RBFOX1: variants seen among roughly 807,000 people sequenced by gnomAD.
RBFOX1 encodes the protein RNA binding protein fox-1 homolog 1.
In RBFOX1, 8 loss-of-function variants were observed where a neutral mutation model predicts 57.7. That is an observed-to-expected ratio of 0.14 (90% CI 0.08 to 0.25). The LOEUF (loss-of-function observed/expected upper bound fraction) is 0.25, where lower values mean the gene tolerates loss of function less well. RBFOX1 is among the 10% of genes least tolerant of loss of function. RBFOX1 has a pLI of 1.00. For missense variants in RBFOX1, 611 were observed against 548.5 expected, an observed-to-expected ratio of 1.11 and a Z score of -1.14; for synonymous variants, 326 against 222.4, an observed-to-expected ratio of 1.47 and a Z score of -4.15.
chr16:6,573,108 G>A (rs1045944609), intron 2 of RBFOX1, among the ~76,000 whole-genome samples: 1 of 152,086 alleles, frequency 6.6e-6, no homozygotes, highest in Non-Finnish European at 1.5e-5. Context: ...CCTAGACCAT[G>A]GGCACTGCAG....
At chr16:6,347,272 G>A (rs138724742) in intron 2 of RBFOX1, among the ~76,000 whole-genome samples, 56 of 152,300 alleles carry the variant, frequency 3.7e-4, no homozygotes, top group African/African-American at 1.2e-3. Context: ...GTGAACGGGA[G>A]ATGGTTCTCA....
chr16:5,266,138 C>G (rs747788255), intron 1 of RBFOX1, among the ~76,000 whole-genome samples: 26 of 152,086 alleles, frequency 1.7e-4, no homozygotes, highest in Non-Finnish European at 2.8e-4. Flanking sequence ...GAAAGAGATC[C>G]TGAGCACGAA....
intron 10 of RBFOX1, among the ~76,000 whole-genome samples, chr16:7,621,511 C>T (rs1167549633): frequency 6.6e-6 from 1 of 152,140 alleles, no homozygotes; most frequent in Admixed American, 6.5e-5. Flanking sequence ...ATCCTCCTGC[C>T]TTGGCTTTCC....
At chr16:5,729,956 T>G (rs960212760) in intron 3 of RBFOX1, among the ~76,000 whole-genome samples, 47 of 152,336 alleles carry the variant, frequency 3.1e-4, no homozygotes, top group African/African-American at 1.1e-3. Flanking sequence ...GTGCAGCACC[T>G]GCCTTTGGAG....
intron 3 of RBFOX1, among the ~76,000 whole-genome samples, chr16:6,940,751 C>G (rs976995641): frequency 6.7e-6 from 1 of 148,908 alleles, no homozygotes; most frequent in Non-Finnish European, 1.5e-5. Flanking sequence ...GCGCCCGCCA[C>G]CATGTCCCGC....
chr16:5,630,841 G>A (rs1306271455), intron 3 of RBFOX1, among the ~76,000 whole-genome samples: 1 of 152,168 alleles, frequency 6.6e-6, no homozygotes, highest in African/African-American at 2.4e-5. Flanking sequence ...ATTTCAGAGG[G>A]GAGCAACTTG....
At chr16:5,657,495 G>C (rs2049466895) in intron 3 of RBFOX1, among the ~76,000 whole-genome samples, 1 of 151,996 alleles carries the variant, frequency 6.6e-6, no homozygotes, top group African/African-American at 2.4e-5. Context: ...CCGACTCTAG[G>C]GTTTAAAGTA....
chr16:6,860,011 G>T (rs1178414773), intron 3 of RBFOX1, among the ~76,000 whole-genome samples: 1 of 152,166 alleles, frequency 6.6e-6, no homozygotes, highest in Non-Finnish European at 1.5e-5. Context: ...GTAAAGTGTA[G>T]GAGTTAACAC....
chr16:5,655,903 A>G (rs1480792004), intron 3 of RBFOX1, among the ~76,000 whole-genome samples: 4 of 152,198 alleles, frequency 2.6e-5, no homozygotes, highest in Admixed American at 2.6e-4. Flanking sequence ...GCAATTGTAG[A>G]TTAGGTAGAT....
chr16:7,242,281 G>T (rs1213218999), intron 4 of RBFOX1, among the ~76,000 whole-genome samples: 1 of 152,166 alleles, frequency 6.6e-6, no homozygotes, highest in Non-Finnish European at 1.5e-5. Flanking sequence ...GCATGTAAAT[G>T]TCTGAATAAA....
chr16:6,596,183 T>C (rs111479831), intron 2 of RBFOX1, among the ~76,000 whole-genome samples: 3,356 of 152,028 alleles, frequency 0.022, 65 homozygotes, highest in Non-Finnish European at 0.034. Context: ...AGAATCTGTT[T>C]TTCACCCCAA....
chr16:6,487,150 G>GTGTGTT (rs932916291), intron 2 of RBFOX1, among the ~76,000 whole-genome samples: 8 of 84,834 alleles, frequency 9.4e-5, no homozygotes, highest in African/African-American at 2.5e-4. Flanking sequence ...GTTTCTGTGT[G>GTGTGTT]TGTGTGTGTG....
chr16:6,482,324 G>A (rs1196912748), intron 2 of RBFOX1, among the ~76,000 whole-genome samples: 1 of 152,198 alleles, frequency 6.6e-6, no homozygotes, highest in African/African-American at 2.4e-5. Flanking sequence ...TAACTGTGAA[G>A]AGAAAGGAAA....
At chr16:5,445,328 G>T (rs1199974374) in intron 1 of RBFOX1, among the ~76,000 whole-genome samples, 1 of 152,098 alleles carries the variant, frequency 6.6e-6, no homozygotes, top group East Asian at 1.9e-4. Context: ...ATCCTGGCTT[G>T]AATGTTCCAT....
chr16:5,915,722 C>T (rs919845177), intron 4 of RBFOX1, among the ~76,000 whole-genome samples: 2 of 152,068 alleles, frequency 1.3e-5, no homozygotes, highest in African/African-American at 4.8e-5. Flanking sequence ...ATCTCAGCTA[C>T]TCCGGAGGCT....
At chr16:7,461,344 T>A (rs1201151646) in intron 4 of RBFOX1, among the ~76,000 whole-genome samples, 2 of 152,100 alleles carry the variant, frequency 1.3e-5, no homozygotes, top group African/African-American at 4.8e-5. Flanking sequence ...ATTTTTGTAT[T>A]TTTAGTGAAG....
intron 2 of RBFOX1, among the ~76,000 whole-genome samples, chr16:5,537,542 G>T (rs565145056): frequency 3.1e-4 from 47 of 152,290 alleles, no homozygotes; most frequent in African/African-American, 1.1e-3. Context: ...TTGCTTATAT[G>T]TGTTGTTGGT....
At chr16:6,451,778 G>C (rs1389145352) in intron 2 of RBFOX1, among the ~76,000 whole-genome samples, 1 of 152,104 alleles carries the variant, frequency 6.6e-6, no homozygotes, top group Admixed American at 6.5e-5. Flanking sequence ...GCCCTGTGCT[G>C]CTCTTCCTCC....
intron 6 of RBFOX1, among the ~76,000 whole-genome samples, chr16:7,580,404 A>G (rs2093664037): frequency 6.6e-6 from 1 of 152,184 alleles, no homozygotes; most frequent in Admixed American, 6.5e-5. Flanking sequence ...GAGAACAACT[A>G]CTTCTGCATA....
Sources: allele counts gnomAD v4.1 joint callset (sites outside exome capture counted in the v4.1 genomes callset), GRCh38; gene constraint gnomAD v4.1.1; transcripts MANE v1.5; gene names NCBI Gene and HGNC (gene_info 2026-07-23, HGNC 2026-07-21).